Variants in ANKRD44 observed in about 807,000 individuals in gnomAD.
ANKRD44 encodes the protein serine/threonine-protein phosphatase 6 regulatory ankyrin repeat subunit B.
Under a neutral mutation model 116.0 loss-of-function variants are expected in ANKRD44, and 35 were observed. That is an observed-to-expected ratio of 0.30 (90% confidence interval 0.23 to 0.40). The LOEUF (loss-of-function observed/expected upper bound fraction) is 0.40. Ranked by LOEUF, ANKRD44 falls within the 10% of genes least tolerant of loss-of-function variation. The pLI is 1.00. For missense variants in ANKRD44, 1,014 were observed against 1,242.6 expected (o/e 0.82, Z 2.77); for synonymous variants, 435 against 461.8 (o/e 0.94, Z 0.74).
intron 20 of ANKRD44, among the ~76,000 whole-genome samples, chr2:197,006,114 G>T (rs377078174): frequency 1.6e-4 from 25 of 152,230 alleles, no homozygotes; most frequent in African/African-American, 6.0e-4. Context: ...CAGCATTTTC[G>T]AAATATCTCT....
chr2:196,989,539 C>A lies in ANKRD44; in HGVS notation c.*52G>T. 1 of 1,390,790 alleles carries A rather than the reference C, an allele frequency of 7.2e-7. No homozygotes were observed. The highest frequency in any genetic ancestry group is 9.7e-7 in the Non-Finnish European group (1 of 1,027,080). 86.2% of individuals were successfully genotyped at this position (1,390,790 alleles called of 1,614,324 possible). Reference sequence around the variant, plus strand: ...ACACACACACATATATATATATATACACACGCACACATATATGTGTGCATG... The same window carrying A: ...ACACACACACATATATATATATATAAACACGCACACATATATGTGTGCATG... On this transcript the variant is annotated 3_prime_UTR_variant, in exon 28 of 28. Transcript: ENST00000282272.
chr2:197,198,549 T>C (rs1183684990), intron 1 of ANKRD44, among the ~76,000 whole-genome samples: 2 of 152,028 alleles, frequency 1.3e-5, no homozygotes, highest in Admixed American at 1.3e-4. Context: ...CCCAGCACTT[T>C]GGGAGGCCGA....
At chr2:197,160,650 C>A (rs2079937948) in intron 2 of ANKRD44, among the ~76,000 whole-genome samples, 1 of 152,206 alleles carries the variant, frequency 6.6e-6, no homozygotes, top group East Asian at 1.9e-4. Flanking sequence ...TGGTAGAATC[C>A]CCTAAAACAC....
chr2:197,094,392 AG>A (rs2078114260), intron 10 of ANKRD44, among the ~76,000 whole-genome samples: 1 of 152,238 alleles, frequency 6.6e-6, no homozygotes, highest in African/African-American at 2.4e-5. Context: ...GCTAAAATGG[AG>A]CATCACGCAC....
Position 197,212,783 on chromosome 2 carries a change from C to G in ANKRD44, c.28-25677G>C, listed in dbSNP as rs117442498. Among the ~76,000 whole-genome samples the G allele has an allele frequency of 4.6e-5, 7 of 152,098 alleles. No individual in the cohort carries two copies. Among genetic ancestry groups the G allele is most frequent in the African/African-American group, 1.7e-4 (7 of 41,394 alleles). On this transcript the variant is annotated intron_variant, in intron 1 of 27. Coordinates refer to ENST00000282272, the MANE Select transcript of ANKRD44 (RefSeq NM_001195144.2). The surrounding 1 kb of genome is among the most constrained non-coding windows in gnomAD (Gnocchi z 4.8). ...CACCCACAAGGAAGGGAGGTGGACA[C>G]GTACACACACAAACACACACTTCAA...
At chr2:197,100,237 C>A (rs2078259263) in intron 9 of ANKRD44, among the ~76,000 whole-genome samples, 1 of 152,036 alleles carries the variant, frequency 6.6e-6, no homozygotes, top group Non-Finnish European at 1.5e-5. Context: ...GAGTTTCAGA[C>A]CAGCCTGACC....
intron 21 of ANKRD44, among the ~76,000 whole-genome samples, chr2:196,967,912 A>ACT (rs35734167): frequency 0.045 from 6,244 of 140,046 alleles, 339 homozygotes; most frequent in African/African-American, 0.13. Flanking sequence ...ATGGCTTGGC[A>ACT]CTCTCTCTCT....
intron 10 of ANKRD44, among the ~76,000 whole-genome samples, chr2:197,092,692 T>C (rs1389571298): frequency 6.6e-6 from 1 of 152,192 alleles, no homozygotes; most frequent in Non-Finnish European, 1.5e-5. Context: ...CTGCTTGTAA[T>C]TGCCTCGCTC....
At chr2:197,234,952 G>C (rs2081948091) in intron 1 of ANKRD44, among the ~76,000 whole-genome samples, 1 of 152,196 alleles carries the variant, frequency 6.6e-6, no homozygotes, top group Non-Finnish European at 1.5e-5. Flanking sequence ...TAACAGGCTA[G>C]ACTCAATGCT....
intron 1 of ANKRD44, among the ~76,000 whole-genome samples, chr2:197,202,389 A>T (rs2081111396): frequency 6.6e-6 from 1 of 151,416 alleles, no homozygotes; most frequent in African/African-American, 2.4e-5. Context: ...AAGGGAAAAG[A>T]TGAGATTTCA....
At chr2:196,977,953 C>A (rs2075772231) in intron 21 of ANKRD44, among the ~76,000 whole-genome samples, 1 of 152,032 alleles carries the variant, frequency 6.6e-6, no homozygotes, top group Non-Finnish European at 1.5e-5. Flanking sequence ...AAAACAAAAA[C>A]AAAACCCAAA....
chr2:197,154,336 C>T (rs1317347038), intron 2 of ANKRD44, among the ~76,000 whole-genome samples: 1 of 151,712 alleles, frequency 6.6e-6, no homozygotes, highest in Non-Finnish European at 1.5e-5. Flanking sequence ...CCCGCTACCA[C>T]GCCCGGCTAA....
chr2:197,092,930 A>G (rs1236936274), intron 10 of ANKRD44, among the ~76,000 whole-genome samples: 1 of 152,054 alleles, frequency 6.6e-6, no homozygotes, highest in Non-Finnish European at 1.5e-5. Flanking sequence ...TTACCTAATC[A>G]TTTTATTTGT....
At chr2:197,204,731 G>A (rs745823889) in intron 1 of ANKRD44, among the ~76,000 whole-genome samples, 2 of 152,180 alleles carry the variant, frequency 1.3e-5, no homozygotes, top group Non-Finnish European at 2.9e-5. Context: ...GATGTAGCCC[G>A]CAGGCTCCAG....
chr2:197,209,502 A>G (rs777668574), intron 1 of ANKRD44, among the ~76,000 whole-genome samples: 10 of 152,180 alleles, frequency 6.6e-5, no homozygotes, highest in African/African-American at 2.2e-4. Flanking sequence ...CTAATCAAGC[A>G]TGATACTCTT....
chr2:197,201,696 T>C lies in ANKRD44; in HGVS notation c.28-14590A>G, dbSNP rs979045332. Among the ~76,000 whole-genome samples the C allele has an allele frequency of 6.6e-5, 10 of 152,222 alleles. No individual in the cohort carries two copies. Among genetic ancestry groups the C allele is most frequent in the African/African-American group, 2.4e-4 (10 of 41,442 alleles). ...TTGTGTTTTGTGTTTTTATTTCAGA[T>C]GCAGGGGATACATGTGCAGGTTTGT... On this transcript the variant is annotated intron_variant, in intron 1 of 27. Transcript: ENST00000282272. The surrounding 1 kb of genome is among the most constrained non-coding windows in gnomAD (Gnocchi z 4.0).
At chr2:197,266,141 T>C (rs763431500) in intron 1 of ANKRD44, among the ~76,000 whole-genome samples, 23 of 151,936 alleles carry the variant, frequency 1.5e-4, no homozygotes, top group Non-Finnish European at 2.6e-4. Flanking sequence ...GGAGGAGAGG[T>C]AGCCGCCTGG....
At chr2:197,099,182 T>C (rs1431904051) in intron 10 of ANKRD44, among the ~76,000 whole-genome samples, 1 of 152,192 alleles carries the variant, frequency 6.6e-6, no homozygotes, top group Non-Finnish European at 1.5e-5. Context: ...ACAGATTGTC[T>C]ACACCAAACA....
intron 11 of ANKRD44, among the ~76,000 whole-genome samples, chr2:197,089,174 T>C (rs558917139): frequency 6.6e-6 from 1 of 152,286 alleles, no homozygotes; most frequent in South Asian, 2.1e-4. Flanking sequence ...ATTTCAACCT[T>C]TCAGTTGGTT....
Sources: allele counts gnomAD v4.1 joint callset (sites outside exome capture counted in the v4.1 genomes callset), GRCh38; gene constraint gnomAD v4.1.1; non-coding constraint Gnocchi (gnomAD v3.1); transcripts MANE v1.5; gene names NCBI Gene and HGNC (gene_info 2026-07-23, HGNC 2026-07-21).